Variants in IL1RAPL1 observed in about 807,000 individuals in gnomAD.
The protein encoded by IL1RAPL1 is interleukin 1 receptor accessory protein like 1.
In IL1RAPL1, 3 loss-of-function variants were observed where a neutral mutation model predicts 48.4. The observed-to-expected ratio is 0.06, with a 90% CI of 0.03 to 0.16. The LOEUF (loss-of-function observed/expected upper bound fraction) is 0.16, where lower values mean the gene tolerates loss of function less well. Ranked by LOEUF, IL1RAPL1 falls within the 10% of genes least tolerant of loss-of-function variation. IL1RAPL1 has a pLI of 1.00. For synonymous variants in IL1RAPL1, 185 were observed against 187.7 expected, an observed-to-expected ratio of 0.99 and a Z score of 0.12; for missense variants, 349 against 530.6, an observed-to-expected ratio of 0.66 and a Z score of 3.36.
intron 5 of IL1RAPL1, among the ~76,000 whole-genome samples, chrX:29,425,672 T>G (rs1934341921): frequency 9.0e-6 from 1 of 111,302 alleles, no homozygotes. Flanking sequence ...CTCCGCCTCC[T>G]GGGCTCAAGC....
intron 1 of IL1RAPL1, among the ~76,000 whole-genome samples, chrX:28,649,195 T>C (rs977570443): frequency 2.7e-5 from 3 of 112,101 alleles, no homozygotes; most frequent in African/African-American, 9.7e-5. Flanking sequence ...ATATAAACTC[T>C]GCGAGAGAGA....
chrX:29,628,485 A>G (rs1249109424), intron 5 of IL1RAPL1, among the ~76,000 whole-genome samples: 1 of 111,859 alleles, frequency 8.9e-6, no homozygotes, highest in Non-Finnish European at 1.9e-5. Flanking sequence ...TACTGAAAAG[A>G]GTCCAGCCAA....
At chrX:28,830,621 G>A (rs1274792205) in intron 2 of IL1RAPL1, among the ~76,000 whole-genome samples, 1 of 111,301 alleles carries the variant, frequency 9.0e-6, no homozygotes, top group African/African-American at 3.3e-5. Flanking sequence ...CTGATTTCAA[G>A]TCTGTCTAGT....
At chrX:28,629,107 C>T (rs965844041) in intron 1 of IL1RAPL1, among the ~76,000 whole-genome samples, 1 of 111,192 alleles carries the variant, frequency 9.0e-6, no homozygotes, top group Non-Finnish European at 1.9e-5. Flanking sequence ...GTTTGAGGGA[C>T]GATGATTTTG....
intron 1 of IL1RAPL1, among the ~76,000 whole-genome samples, chrX:28,694,058 CAG>C (rs1935205496): frequency 9.0e-6 from 1 of 111,534 alleles, no homozygotes; most frequent in African/African-American, 3.2e-5. Flanking sequence ...CCTTCCTGCA[CAG>C]AGTCTCCTTT....
intron 5 of IL1RAPL1, among the ~76,000 whole-genome samples, chrX:29,438,552 A>G (rs1030114155): frequency 1.8e-5 from 2 of 110,825 alleles, no homozygotes; most frequent in Admixed American, 9.6e-5. Context: ...TGCTTTGGCT[A>G]CATCCCATAA....
At chrX:29,076,798 GTCTGTCTA>G (rs1484130399) in intron 2 of IL1RAPL1, among the ~76,000 whole-genome samples, 11 of 85,296 alleles carry the variant, frequency 1.3e-4, no homozygotes, top group Middle Eastern at 6.6e-3. Flanking sequence ...CTGTCTGTCT[GTCTGTCTA>G]TCTATCTATC....
At chrX:29,450,549 T>C (rs888623408) in intron 5 of IL1RAPL1, among the ~76,000 whole-genome samples, 3 of 112,030 alleles carry the variant, frequency 2.7e-5, no homozygotes, top group Non-Finnish European at 5.6e-5. Context: ...TAAGCACTTA[T>C]CTAATACATA....
chrX:29,283,586 A>G (rs897698244), intron 3 of IL1RAPL1, among the ~76,000 whole-genome samples: 5 of 112,434 alleles, frequency 4.4e-5, no homozygotes, highest in Non-Finnish European at 9.4e-5. Flanking sequence ...TGCCCTTCGC[A>G]GACAGATAGA....
chrX:29,112,470 C>CT (rs61113350), intron 2 of IL1RAPL1, among the ~76,000 whole-genome samples: 54 of 92,147 alleles, frequency 5.9e-4, no homozygotes, highest in East Asian at 3.4e-3. Flanking sequence ...GATTTGATTT[C>CT]TTTTTTTTTT....
At chrX:29,110,020 ACTTAT>A (rs1223008272) in intron 2 of IL1RAPL1, among the ~76,000 whole-genome samples, 2 of 112,171 alleles carry the variant, frequency 1.8e-5, no homozygotes, top group African/African-American at 6.5e-5. Context: ...GCCTCAAGGC[ACTTAT>A]CTTATACATT....
chrX:29,405,380 T>A (rs181563501), intron 5 of IL1RAPL1, among the ~76,000 whole-genome samples: 103 of 99,934 alleles, frequency 1.0e-3, no homozygotes, highest in East Asian at 1.8e-3. Flanking sequence ...TTATTTATTT[T>A]TTTTGAGACA....
chrX:29,298,282 C>T (rs1932478481), intron 3 of IL1RAPL1, among the ~76,000 whole-genome samples: 1 of 111,544 alleles, frequency 9.0e-6, no homozygotes, highest in African/African-American at 3.3e-5. Flanking sequence ...ACAGTAATTA[C>T]TTGGATCCTA....
intron 6 of IL1RAPL1, among the ~76,000 whole-genome samples, chrX:29,905,785 AGTC>A (rs1932600275): frequency 9.0e-6 from 1 of 111,494 alleles, no homozygotes; most frequent in Admixed American, 9.6e-5. Context: ...AAACATGTAT[AGTC>A]GTGACTCCCA....
chrX:29,553,568 T>G (rs1921890103), intron 5 of IL1RAPL1, among the ~76,000 whole-genome samples: 1 of 111,831 alleles, frequency 8.9e-6, no homozygotes, highest in East Asian at 2.8e-4. Flanking sequence ...CTTCCCCTCT[T>G]AGGTGAGACA....
intron 2 of IL1RAPL1, among the ~76,000 whole-genome samples, chrX:28,878,056 G>A (rs190990435): frequency 2.7e-5 from 3 of 112,076 alleles, no homozygotes; most frequent in Admixed American, 1.9e-4. Flanking sequence ...TAGGTAAGGA[G>A]AGGCACTATT....
intron 6 of IL1RAPL1, among the ~76,000 whole-genome samples, chrX:29,915,564 CTG>C (rs909130173): frequency 2.7e-5 from 3 of 110,815 alleles, no homozygotes; most frequent in African/African-American, 9.8e-5. Context: ...CTGCTTTTCT[CTG>C]TGTTTATGCT....
intron 1 of IL1RAPL1, among the ~76,000 whole-genome samples, chrX:28,775,990 T>G (rs756048080): frequency 1.6e-4 from 18 of 112,135 alleles, no homozygotes; most frequent in Non-Finnish European, 2.6e-4. Flanking sequence ...ATATTTTTTA[T>G]TTGTTCACTC....
rs1007173271 is a variant in IL1RAPL1 at position 29,587,560 on chromosome X, T to C, written c.704-80870T>C. On this transcript the variant is annotated intron_variant, in intron 5 of 10. Transcript: ENST00000378993. Reference sequence around the variant, plus strand: ...TGCAAAAAATAAGTTTGTGAGTTAATACATCTGTTAATAACTTGATTAGCC... The same window carrying C: ...TGCAAAAAATAAGTTTGTGAGTTAACACATCTGTTAATAACTTGATTAGCC... Among the ~76,000 whole-genome samples, 3 of 112,298 alleles carry C rather than the reference T, an allele frequency of 2.7e-5. No homozygotes were observed. The South Asian group carries it at 1.1e-3, about 41-fold the overall frequency.
Sources: gnomAD v4.1 joint callset for allele counts (sites outside exome capture counted in the v4.1 genomes callset) on GRCh38, gnomAD v4.1.1 for gene constraint, MANE v1.5 for transcripts, NCBI Gene and HGNC (gene_info 2026-07-23, HGNC 2026-07-21) for gene names.